UTP20: variants seen among roughly 807,000 people sequenced by gnomAD.
The protein encoded by UTP20 is UTP20 small subunit processome component.
In UTP20, 164 loss-of-function variants were observed where a neutral mutation model predicts 329.5. That is an observed-to-expected ratio of 0.50 (90% confidence interval 0.44 to 0.57). UTP20 has a LOEUF of 0.57. Ranked by LOEUF, UTP20 falls within the 20% of genes least tolerant of loss-of-function variation. The probability of loss-of-function intolerance (pLI) is 0.00; values close to 1 mark genes in which losing one functional copy is unlikely to be tolerated. For missense variants in UTP20, 3,055 were observed against 3,284.2 expected (o/e 0.93, Z 1.71); for synonymous variants, 1,151 against 1,159.3 (o/e 0.99, Z 0.14).
At chr12:101,322,963 G>A (rs1009106557) in intron 25 of UTP20, among the ~76,000 whole-genome samples, 7 of 152,056 alleles carry the variant, frequency 4.6e-5, no homozygotes, top group South Asian at 2.1e-4. Context: ...GGAAACATCC[G>A]CAATACTTGT....
chr12:101,314,413 C>T (rs1872896155), intron 21 of UTP20, among the ~76,000 whole-genome samples: 1 of 152,102 alleles, frequency 6.6e-6, no homozygotes, highest in African/African-American at 2.4e-5. Flanking sequence ...AATCCCAGCA[C>T]TTTGGGAGGC....
Position 101,342,599 on chromosome 12 carries a change from A to C in UTP20, c.4245+10A>C. On this transcript the variant is annotated intron_variant, in intron 33 of 61. Coordinates refer to ENST00000261637, the MANE Select transcript of UTP20 (RefSeq NM_014503.3). ...TTGTACGGTTTTTGAGGTCTGTACT[A>C]TTCATTTTTACTCCAAATCACCCTT... is the stretch of plus-strand genomic sequence containing the variant. The C allele has an allele frequency of 6.9e-6, 11 of 1,597,976 alleles. No homozygotes were observed. Among genetic ancestry groups the C allele is most frequent in the Non-Finnish European group, 9.4e-6 (11 of 1,175,370 alleles).
At chr12:101,359,704 G>A (rs777447350) in intron 43 of UTP20, among the ~76,000 whole-genome samples, 32 of 152,114 alleles carry the variant, frequency 2.1e-4, no homozygotes, top group Middle Eastern at 3.4e-3. Flanking sequence ...TTTCTTTGCT[G>A]ACACTTAATT....
chr12:101,311,114 G>A (rs534203830), intron 19 of UTP20, among the ~76,000 whole-genome samples: 9 of 152,308 alleles, frequency 5.9e-5, no homozygotes, highest in African/African-American at 1.9e-4. Context: ...TGTTTTCTGA[G>A]TAGAGTCAGT....
At chr12:101,314,223 G>A (rs1010415336) in intron 21 of UTP20, among the ~76,000 whole-genome samples, 1 of 152,230 alleles carries the variant, frequency 6.6e-6, no homozygotes, top group African/African-American at 2.4e-5. Context: ...GCAGTAAACA[G>A]TTGACTCAGA....
intron 6 of UTP20, 125 bp downstream of exon 6, chr12:101,289,166 C>T (rs1307482544): frequency 1.3e-6 from 1 of 786,156 alleles, no homozygotes; most frequent in Non-Finnish European, 2.0e-6. Context: ...CACCTGAGGT[C>T]AGGAATTGGA....
intron 51 of UTP20, among the ~76,000 whole-genome samples, chr12:101,371,491 T>C (rs1014888529): frequency 4.0e-5 from 6 of 150,850 alleles, no homozygotes; most frequent in African/African-American, 7.3e-5. Flanking sequence ...GGGCAGGACC[T>C]TGTGGTCTTG....
At chr12:101,327,505 G>A (rs1235398041) in intron 26 of UTP20, among the ~76,000 whole-genome samples, 4 of 152,070 alleles carry the variant, frequency 2.6e-5, no homozygotes, top group African/African-American at 4.8e-5. Context: ...TGCATATTTA[G>A]GCCATTTGAA....
chr12:101,366,759 T>G, intron 47 of UTP20, 60 bp downstream of exon 47: 2 of 1,559,128 alleles, frequency 1.3e-6, no homozygotes, highest in Non-Finnish European at 1.7e-6. Flanking sequence ...CTTTTAGTCT[T>G]CTGTTGAATT....
intron 36 of UTP20, 28 bp from the exon 37 acceptor site, chr12:101,345,526 A>G: frequency 7.3e-7 from 1 of 1,376,964 alleles, no homozygotes; most frequent in Non-Finnish European, 9.8e-7. Context: ...TTAAAATAAA[A>G]TGTTTTTTCT....
chr12:101,379,993 C>A (rs949633298), intron 57 of UTP20, among the ~76,000 whole-genome samples: 3 of 151,990 alleles, frequency 2.0e-5, no homozygotes, highest in Admixed American at 6.6e-5. Flanking sequence ...CTAATAAGTT[C>A]TTTATCGGCA....
chr12:101,285,493 A>G (rs1182161711), intron 2 of UTP20, 77 bp from the exon 3 acceptor site: 7 of 1,442,084 alleles, frequency 4.9e-6, no homozygotes, highest in Non-Finnish European at 6.8e-6. Flanking sequence ...TAAGATATTA[A>G]TATATCATTA....
At chr12:101,312,943 G>T (rs368544082) in intron 21 of UTP20, among the ~76,000 whole-genome samples, 85 of 152,312 alleles carry the variant, frequency 5.6e-4, no homozygotes, top group African/African-American at 1.9e-3. Context: ...GATTCATGTA[G>T]AAAGGCCTTA....
At chr12:101,375,307 G>T (rs1348304773) in intron 55 of UTP20, among the ~76,000 whole-genome samples, 2 of 151,962 alleles carry the variant, frequency 1.3e-5, no homozygotes, top group African/African-American at 4.8e-5. Context: ...GTATCTTCAT[G>T]GTATATGAAG....
intron 5 of UTP20, among the ~76,000 whole-genome samples, chr12:101,288,563 C>T (rs1246503502): frequency 6.6e-6 from 1 of 152,254 alleles, no homozygotes; most frequent in Non-Finnish European, 1.5e-5. Context: ...CTCTCCTCTA[C>T]TGTATCATCT....
chr12:101,309,938 G>A (rs752782680), intron 19 of UTP20, 99 bp downstream of exon 19: 34 of 1,018,810 alleles, frequency 3.3e-5, no homozygotes, highest in Non-Finnish European at 4.2e-5. Flanking sequence ...TAAATGAATG[G>A]GTGTATATGG....
chr12:101,280,271 C>T lies in UTP20; in HGVS notation c.-12C>T, dbSNP rs1328632691. ...TCCCGAGGCCGTCGCGGGCCACTGG[C>T]CCTCTGCAGCCATGAAGACAAAGCC... is the stretch of plus-strand genomic sequence containing the variant. On this transcript the variant is annotated 5_prime_UTR_variant, in exon 1 of 62. Transcript: ENST00000261637. The T allele has an allele frequency of 1.9e-6, 3 of 1,551,734 alleles. No individual in the cohort carries two copies. The highest frequency in any genetic ancestry group is 1.2e-5 in the South Asian group (1 of 84,062).
intron 28 of UTP20, 27 bp from the exon 29 acceptor site, chr12:101,334,398 T>A (rs749881610): frequency 6.3e-7 from 1 of 1,590,942 alleles, no homozygotes; most frequent in Non-Finnish European, 8.6e-7. Flanking sequence ...ATGTATTTGG[T>A]ATTCTGTTTT....
chr12:101,285,870 A>AC lies in UTP20; in HGVS notation c.319dup (p.Leu107ProfsTer51). On this transcript the variant is annotated frameshift_variant, in exon 4 of 62. Coordinates refer to ENST00000261637, the MANE Select transcript of UTP20 (RefSeq NM_014503.3). LOFTEE classifies it high-confidence loss of function. ...AAGTTAAGAACAGTTTTGCCTATCAACCCCTTTTGGAGTAAGTAGCATCTT... is the reference window on the plus strand; with the variant it reads ...AAGTTAAGAACAGTTTTGCCTATCAACCCCCTTTTGGAGTAAGTAGCATCTT... 1 of 1,613,598 alleles carries AC rather than the reference A, an allele frequency of 6.2e-7. No individual in the cohort carries two copies.
Sources: gnomAD v4.1 joint callset for allele counts (sites outside exome capture counted in the v4.1 genomes callset) on GRCh38, gnomAD v4.1.1 for gene constraint, MANE v1.5 for transcripts, NCBI Gene and HGNC (gene_info 2026-07-23, HGNC 2026-07-21) for gene names.